CHD1: variants seen among roughly 807,000 people sequenced by gnomAD.
CHD1 encodes chromodomain helicase DNA binding protein 1.
A neutral mutation model predicts 224.2 loss-of-function variants in CHD1; 36 were observed. The observed-to-expected ratio is 0.16, with a 90% confidence interval of 0.12 to 0.21. CHD1 has a LOEUF of 0.21. Among genes scored for constraint, CHD1 ranks in the 10% least tolerant of loss-of-function variants. The pLI is 1.00. For synonymous variants in CHD1, 668 were observed against 658.3 expected (o/e 1.01, Z -0.23); for missense variants, 1,378 against 1,994.8 (o/e 0.69, Z 5.89).
chr5:98,878,915 T>C (rs936527908), intron 23 of CHD1, among the ~76,000 whole-genome samples: 2 of 152,226 alleles, frequency 1.3e-5, no homozygotes, highest in Non-Finnish European at 2.9e-5. Context: ...TACATTTCTA[T>C]ATCTAAGCTT....
At chr5:98,899,072 GAGGATCCTCT>G (rs1280565543) in intron 8 of CHD1, among the ~76,000 whole-genome samples, 1 of 152,130 alleles carries the variant, frequency 6.6e-6, no homozygotes, top group African/African-American at 2.4e-5. Flanking sequence ...GGGATTGGTT[GAGGATCCTCT>G]ACAGATACCA....
intron 2 of CHD1, among the ~76,000 whole-genome samples, chr5:98,924,771 T>C (rs1753342526): frequency 6.6e-6 from 1 of 151,824 alleles, no homozygotes; most frequent in African/African-American, 2.4e-5. Flanking sequence ...AGGCCAGGAG[T>C]TCGAGACCAG....
chr5:98,926,237 T>G, intron 2 of CHD1, 97 bp downstream of exon 2: 2 of 751,406 alleles, frequency 2.7e-6, no homozygotes, highest in Non-Finnish European at 4.3e-6. Flanking sequence ...CTCTGCTACC[T>G]ATGAGGAAAA....
chr5:98,889,803 A>G (rs1750892179), intron 15 of CHD1: 1 of 152,230 alleles, frequency 6.6e-6, no homozygotes, highest in African/African-American at 2.4e-5. Context: ...TACAAGGATG[A>G]CATGCAAATC....
chr5:98,911,156 T>A (rs1315857561), intron 2 of CHD1, among the ~76,000 whole-genome samples: 33 of 123,450 alleles, frequency 2.7e-4, no homozygotes, highest in African/African-American at 3.7e-4. Flanking sequence ...AATATATATA[T>A]ATATATATAT....
Position 98,901,245 on chromosome 5 carries a change from A to C in CHD1, c.528T>G (p.Asp176Glu), listed in dbSNP as rs765184778. ...TTGGCTCATAATCAGATTCTGTTTC[A>C]TCACAACTGCTTTTCTCTCTCTCTT... The part of the protein sequence containing the change: ...SEEEREKSSC[D>E]ETESDYEPKN... The change falls in exon 6 of 36, where the codon GAT becomes GAG. Residue 176 changes from aspartate (D) to glutamate (E), a missense_variant. Asp to Glu is a conservative substitution (Grantham distance 45). This residue lies in a region of CHD1 where 306 missense variants were observed against 298.1 expected (regional missense o/e 1.03). Coordinates refer to ENST00000614616, the MANE Select transcript of CHD1 (RefSeq NM_001270.4). 6.2e-7 allele frequency: 1 copy of C among 1,613,966 alleles called. No homozygotes were observed. Among genetic ancestry groups the C allele is most frequent in the Non-Finnish European group, 8.5e-7 (1 of 1,179,950 alleles).
chr5:98,892,342 T>C (rs1464046013), intron 15 of CHD1, among the ~76,000 whole-genome samples, 183 bp downstream of exon 15: 1 of 152,216 alleles, frequency 6.6e-6, no homozygotes, highest in African/African-American at 2.4e-5. Flanking sequence ...ACTCATAATT[T>C]TGGATATGTC....
intron 20 of CHD1, 89 bp from the exon 21 acceptor site, chr5:98,881,464 C>T (rs1750182181): frequency 4.9e-6 from 3 of 617,204 alleles, no homozygotes; most frequent in Non-Finnish European, 2.7e-6. Context: ...ACATTTTCAC[C>T]TTTACAACAG....
chr5:98,912,312 G>A (rs894050299), intron 2 of CHD1, among the ~76,000 whole-genome samples: 1 of 152,040 alleles, frequency 6.6e-6, no homozygotes, highest in Non-Finnish European at 1.5e-5. Context: ...TAGGCCAACA[G>A]AAATAAAATA....
At chr5:98,900,704 G>A (rs1157846235) in intron 7 of CHD1, 107 bp downstream of exon 7, 7 of 961,308 alleles carry the variant, frequency 7.3e-6, no homozygotes, top group South Asian at 6.8e-5. Context: ...CATCGGCCTC[G>A]GCCCCCCAAA....
chr5:98,873,468 T>G, intron 26 of CHD1, 125 bp downstream of exon 26: 1 of 732,734 alleles, frequency 1.4e-6, no homozygotes, highest in Non-Finnish European at 2.0e-6. Context: ...TAGCTTTACT[T>G]TGTTTTATAA....
At chr5:98,872,625 T>A in intron 26 of CHD1, 70 bp from the exon 27 acceptor site, 1 of 1,232,182 alleles carries the variant, frequency 8.1e-7, no homozygotes, top group Non-Finnish European at 1.2e-6. Context: ...ACCAAGCAAC[T>A]GATGCTATTA....
chr5:98,895,305 TATG>T (rs1232498028), intron 12 of CHD1, among the ~76,000 whole-genome samples: 5 of 152,312 alleles, frequency 3.3e-5, no homozygotes, highest in South Asian at 4.1e-4. Context: ...ATGGATGAAA[TATG>T]ATGTCTGGGG....
intron 30 of CHD1, chr5:98,869,405 C>A (rs899022941): frequency 3.9e-5 from 12 of 309,350 alleles, no homozygotes; most frequent in Non-Finnish European, 5.9e-5. Flanking sequence ...AATAATGATA[C>A]ATGCAATGTT....
At chr5:98,881,031 C>A (rs777423965) in intron 22 of CHD1, 45 bp downstream of exon 22, 3 of 1,065,792 alleles carry the variant, frequency 2.8e-6, no homozygotes, top group South Asian at 2.6e-5. Context: ...TAACTCAATT[C>A]CTCTCAATTT....
intron 2 of CHD1, among the ~76,000 whole-genome samples, chr5:98,911,174 T>TAGAGAG (rs1752398739): frequency 7.8e-6 from 1 of 128,860 alleles, no homozygotes; most frequent in Non-Finnish European, 1.6e-5. Flanking sequence ...TATATATATA[T>TAGAGAG]ATAGAGGCAT....
rs115720817 is a variant in CHD1 at position 98,923,042 on chromosome 5, A to G, written c.53+3292T>C. ...TAATATTCATAGTTATAGAAACTTT[A>G]GTTTTTTTTGCAAGAAAATCCCTCT... On this transcript the variant is annotated intron_variant, in intron 2 of 35. Coordinates refer to ENST00000614616, the MANE Select transcript of CHD1 (RefSeq NM_001270.4). 9.2e-3 allele frequency among the ~76,000 whole-genome samples: 1,400 copies of G among 152,308 alleles called. 16 individuals carry two copies. The highest frequency in any genetic ancestry group is 0.025 in the South Asian group (123 of 4,830).
intron 15 of CHD1, among the ~76,000 whole-genome samples, chr5:98,891,334 C>A (rs1751009483): frequency 6.6e-6 from 1 of 152,108 alleles, no homozygotes; most frequent in South Asian, 2.1e-4. Context: ...GCCTCAGCCT[C>A]CCAAAGTACT....
chr5:98,887,403 CTATTTTACTA>C (rs1328967920), intron 17 of CHD1, among the ~76,000 whole-genome samples: 18 of 152,056 alleles, frequency 1.2e-4, no homozygotes, highest in South Asian at 2.1e-4. Flanking sequence ...AATTTTACTG[CTATTTTACTA>C]TCTGCACTAA....
Sources: gnomAD v4.1 joint callset for allele counts (sites outside exome capture counted in the v4.1 genomes callset) on GRCh38, gnomAD v4.1.1 for gene constraint, gnomAD v4.1.1 regional missense constraint, MANE v1.5 for transcripts, NCBI Gene and HGNC (gene_info 2026-07-23, HGNC 2026-07-21) for gene names.